The following MPHOSPH9 variants were observed in gnomAD, a reference collection of about 807,000 sequenced individuals.
MPHOSPH9 encodes the protein M-phase phosphoprotein 9.
In MPHOSPH9, 88 loss-of-function variants were observed where a neutral mutation model predicts 145.5. The ratio of observed to expected loss-of-function variants is 0.60; its 90% confidence interval spans 0.51 to 0.72. The LOEUF (loss-of-function observed/expected upper bound fraction) is 0.72. MPHOSPH9 is among the 30% of genes least tolerant of loss of function. The pLI is 0.00. For missense variants in MPHOSPH9, 1,238 were observed against 1,386.6 expected, an observed-to-expected ratio of 0.89 and a Z score of 1.70; for synonymous variants, 435 against 486.2, an observed-to-expected ratio of 0.89 and a Z score of 1.39.
chr12:123,169,037 A>G (rs1022799117), intron 16 of MPHOSPH9, among the ~76,000 whole-genome samples: 2 of 150,918 alleles, frequency 1.3e-5, no homozygotes, highest in African/African-American at 2.4e-5. Context: ...GGCGCCCACC[A>G]CCACGCCCGG....
intron 7 of MPHOSPH9, among the ~76,000 whole-genome samples, chr12:123,210,650 C>T (rs2046660502): frequency 6.6e-6 from 1 of 151,700 alleles, no homozygotes; most frequent in Non-Finnish European, 1.5e-5. Flanking sequence ...TGAGATGGTG[C>T]CACTGCACTC....
At chr12:123,204,575 TAAG>T (rs1209348096) in intron 8 of MPHOSPH9, among the ~76,000 whole-genome samples, 2 of 152,054 alleles carry the variant, frequency 1.3e-5, no homozygotes, top group Non-Finnish European at 2.9e-5. Context: ...ATTAGTAAAA[TAAG>T]AAGATATGAC....
intron 8 of MPHOSPH9, 128 bp downstream of exon 8, chr12:123,209,928 G>C (rs2046630549): frequency 2.0e-6 from 1 of 498,204 alleles, no homozygotes; most frequent in African/African-American, 2.0e-5. Context: ...AGTAGAGACG[G>C]GGTTTCACCG....
intron 13 of MPHOSPH9, among the ~76,000 whole-genome samples, chr12:123,185,002 C>A (rs183565568): frequency 6.6e-6 from 1 of 152,212 alleles, no homozygotes; most frequent in African/African-American, 2.4e-5. Flanking sequence ...CAGGGTTTCA[C>A]CATGTTGGCC....
intron 8 of MPHOSPH9, among the ~76,000 whole-genome samples, chr12:123,207,917 TGA>T (rs1316314490): frequency 6.6e-6 from 1 of 150,924 alleles, no homozygotes; most frequent in Admixed American, 6.6e-5. Flanking sequence ...GTACATTTAC[TGA>T]ATAGTTTTAT....
rs1265432043 is a variant in MPHOSPH9, at chr12:123,213,400, T to C, written c.1087+1344A>G. 3.9e-5 allele frequency among the ~76,000 whole-genome samples: 6 copies of C among 152,160 alleles called. No individual in the cohort carries two copies. In the East Asian group the frequency reaches 1.2e-3, roughly 29 times the overall value. On this transcript the variant is annotated intron_variant, in intron 7 of 23. Transcript: ENST00000606320. Reference sequence around the variant, plus strand: ...TATTGCCCAGGCTGGAGTGCAGTGGTGTGATCATGGCTCACTGCAGCCTTG... The same window carrying C: ...TATTGCCCAGGCTGGAGTGCAGTGGCGTGATCATGGCTCACTGCAGCCTTG...
Position 123,210,170 on chromosome 12 carries a change from G to A in MPHOSPH9, c.1088-8C>T. On this transcript the variant is annotated splice_region_variant and splice_polypyrimidine_tract_variant and intron_variant, in intron 7 of 23. Transcript: ENST00000606320. ...GTTTCCAGTAAGTCAATCCTGATGT[G>A]CACAAACACACAGAATAGAAAAGAG... 2 of 1,524,836 alleles carry A rather than the reference G, an allele frequency of 1.3e-6. No individual in the cohort carries two copies. The highest frequency in any genetic ancestry group is 1.8e-6 in the Non-Finnish European group (2 of 1,119,508). The allele number at this position is 1,524,836 out of a possible 1,614,324, so 94.5% of individuals were successfully genotyped here.
At position 123,199,800 on chromosome 12, in the gene MPHOSPH9, A is replaced by G. The variant is rs368170588; in HGVS notation, c.1938-1466T>C. On this transcript the variant is annotated intron_variant, in intron 11 of 23. Transcript: ENST00000606320. Reference sequence around the variant, plus strand: ...AGAGACTCCATCTCAAAAAAAAAAAAAAAGAAAGAAAGAAAAAAAGATTAT... The same window carrying G: ...AGAGACTCCATCTCAAAAAAAAAAAGAAAGAAAGAAAGAAAAAAAGATTAT... 1.6e-3 allele frequency among the ~76,000 whole-genome samples: 243 copies of G among 152,072 alleles called. 3 individuals are homozygous for G. The highest frequency in any genetic ancestry group is 5.5e-3 in the African/African-American group (228 of 41,520).
intron 13 of MPHOSPH9, among the ~76,000 whole-genome samples, chr12:123,191,737 A>G (rs924436121): frequency 1.3e-5 from 2 of 152,242 alleles, no homozygotes; most frequent in Admixed American, 1.3e-4. Context: ...AAATATGGAC[A>G]TGCTCAAAGA....
Position 123,166,763 on chromosome 12 carries a change from C to A in MPHOSPH9, c.2483G>T (p.Arg828Met). 1.9e-6 allele frequency: 3 copies of A among 1,613,786 alleles called. No homozygotes were observed. Among genetic ancestry groups the A allele is most frequent in the Non-Finnish European group, 2.5e-6 (3 of 1,179,934 alleles). The change falls in exon 17 of 24, where the codon AGG becomes ATG. Residue 828 changes from arginine to methionine, a missense_variant. By Grantham distance (91) the Arg-to-Met change is moderately conservative. Transcript: ENST00000606320. ...TGCACCTGGAATCAGCCATTTCCGC[C>A]TGCTGACGTCTGAAGTTGCTAGTGT... is the stretch of plus-strand genomic sequence containing the variant. ...ANTLATSDVS[R>M]RKWLIPGAEY...
rs1565889838 is a variant in MPHOSPH9 at position 123,156,878 on chromosome 12, T to G, written c.3481A>C (p.Asn1161His). Residue 1161 changes from asparagine (N) to histidine (H), a missense_variant, in exon 24 of 24, where the codon AAT becomes CAT. Coordinates refer to ENST00000606320, the MANE Select transcript of MPHOSPH9 (RefSeq NM_022782.4). ...EALEDRLERI[N>H]RELGSVRMTL... ...ATGCGAACTGAACCCAGTTCTCGATTAATCCTTTCCAAACGATCTTCCAAG... is the reference window on the plus strand; with the variant it reads ...ATGCGAACTGAACCCAGTTCTCGATGAATCCTTTCCAAACGATCTTCCAAG... The G allele has an allele frequency of 6.8e-6, 11 of 1,610,012 alleles. No homozygotes were observed. Among genetic ancestry groups the G allele is most frequent in the African/African-American group, 1.3e-5 (1 of 74,908 alleles).
At chr12:123,163,923 C>A (rs1197265296) in intron 19 of MPHOSPH9, 27 bp downstream of exon 19, 1 of 1,612,380 alleles carries the variant, frequency 6.2e-7, no homozygotes, top group Non-Finnish European at 8.5e-7. Context: ...CTTTTGAACC[C>A]AAGAGATGTA....
intron 20 of MPHOSPH9, chr12:123,162,810 T>G (rs1281819490): frequency 2.2e-6 from 1 of 452,698 alleles, no homozygotes; most frequent in Non-Finnish European, 3.8e-6. Flanking sequence ...TAAAATCTAG[T>G]AGTAGCAAGT....
rs5801508 is a variant in MPHOSPH9, at chr12:123,204,302, C to CA, written c.1195-928dup. Among the ~76,000 whole-genome samples the CA allele has an allele frequency of 5.5e-3, 686 of 124,854 alleles. 4 individuals carry two copies. The highest frequency in any genetic ancestry group is 0.022 in the African/African-American group (623 of 28,514). The allele number at this position is 124,854 out of a possible 152,430, so 81.9% of individuals were successfully genotyped here. A position where few individuals can be genotyped will look rare whatever the true frequency, so the allele number is the denominator to read the frequency against. The stretch of plus-strand genomic sequence containing the variant: ...GCGCAACAAGAGCGAAACTCCGTCT[C>CA]AAAAAAAAAAAAAAAGAAAACAAGA... On this transcript the variant is annotated intron_variant, in intron 8 of 23. Transcript: ENST00000606320.
chr12:123,163,263 TAA>T lies in MPHOSPH9; in HGVS notation c.2909-131_2909-130del, dbSNP rs2044182628. The stretch of plus-strand genomic sequence containing the variant: ...TCAACGTAAAACTTTGAGAGAGAAA[TAA>T]GAGTGTACAAAAAAATAAAATCACT... On this transcript the variant is annotated intron_variant, in intron 19 of 23. Coordinates refer to ENST00000606320, the MANE Select transcript of MPHOSPH9 (RefSeq NM_022782.4). 16 of 1,017,684 alleles carry T rather than the reference TAA, an allele frequency of 1.6e-5. No individual in the cohort carries two copies. The South Asian group carries it at 2.1e-4, about 14-fold the overall frequency. The allele number at this position is 1,017,684 out of a possible 1,614,324, so 63.0% of individuals were successfully genotyped here.
At chr12:123,215,998 G>A (rs1329068750) in intron 6 of MPHOSPH9, among the ~76,000 whole-genome samples, 1 of 152,086 alleles carries the variant, frequency 6.6e-6, no homozygotes, top group Non-Finnish European at 1.5e-5. Context: ...AGCACTTTGG[G>A]AGGCCAAGGC....
rs529940676 is a variant in MPHOSPH9 at position 123,161,025 on chromosome 12, T to C, written c.3381+111A>G. On this transcript the variant is annotated intron_variant, in intron 22 of 23. Transcript: ENST00000606320. ...ATCCGTTGCTAGCACAGCTCTGGTA[T>C]GTTATCCCATTGTAATTTCCTGAGA... is the stretch of plus-strand genomic sequence containing the variant. The C allele has an allele frequency of 7.1e-6, 10 of 1,403,890 alleles. No homozygotes were observed. The Admixed American group carries it at 1.3e-4, about 18-fold the overall frequency. 87.0% of individuals were successfully genotyped at this position (1,403,890 alleles called of 1,614,324 possible).
upstream of MPHOSPH9, chr12:123,233,605 G>A (rs561527918): frequency 2.6e-5 from 4 of 152,254 alleles, no homozygotes; most frequent in Admixed American, 1.3e-4. Flanking sequence ...AGAGGACTGC[G>A]AGCCGGGACG....
intron 23 of MPHOSPH9, among the ~76,000 whole-genome samples, chr12:123,157,739 G>A (rs955663079): frequency 6.6e-6 from 1 of 151,470 alleles, no homozygotes; most frequent in South Asian, 2.1e-4. Context: ...CACCCACCTC[G>A]GCCTCCCAAA....
Sources: gnomAD v4.1 joint callset for allele counts (sites outside exome capture counted in the v4.1 genomes callset) on GRCh38, gnomAD v4.1.1 for gene constraint, MANE v1.5 for transcripts, NCBI Gene and HGNC (gene_info 2026-07-23, HGNC 2026-07-21) for gene names.